Variants in CGNL1 observed in about 807,000 individuals in gnomAD.
The protein encoded by CGNL1 is cingulin-like protein 1.
A neutral mutation model predicts 141.2 loss-of-function variants in CGNL1; 132 were observed. The ratio of observed to expected loss-of-function variants is 0.93; its 90% CI spans 0.81 to 1.08. CGNL1 has a LOEUF of 1.08. Among genes scored for constraint, CGNL1 ranks in the 50% least tolerant of loss-of-function variants. The probability of loss-of-function intolerance (pLI) is 0.00; values close to 1 mark genes in which losing one functional copy is unlikely to be tolerated. For missense variants in CGNL1, 1,870 were observed against 1,588.6 expected, an observed-to-expected ratio of 1.18 and a Z score of -3.01; for synonymous variants, 690 against 622.1, an observed-to-expected ratio of 1.11 and a Z score of -1.63.
chr15:57,409,154 G>A (rs1394056359), intron 1 of CGNL1, among the ~76,000 whole-genome samples: 2 of 152,088 alleles, frequency 1.3e-5, no homozygotes, highest in African/African-American at 4.8e-5. Flanking sequence ...ACGCGTGTGT[G>A]CTGAGGGAAC....
intron 8 of CGNL1, among the ~76,000 whole-genome samples, chr15:57,486,908 G>A (rs2063792343): frequency 6.6e-6 from 1 of 152,152 alleles, no homozygotes; most frequent in Admixed American, 6.5e-5. Flanking sequence ...ATTTCCATTG[G>A]GAGTGGTGTT....
chr15:57,399,410 A>G (rs1300639260), intron 1 of CGNL1, among the ~76,000 whole-genome samples: 2 of 152,144 alleles, frequency 1.3e-5, no homozygotes, highest in Non-Finnish European at 2.9e-5. Flanking sequence ...TCCATATTTG[A>G]ATACTTCATA....
At chr15:57,386,270 A>G (rs1440253071) in intron 1 of CGNL1, among the ~76,000 whole-genome samples, 1 of 152,112 alleles carries the variant, frequency 6.6e-6, no homozygotes, top group Non-Finnish European at 1.5e-5. Context: ...CAGGCTTGTG[A>G]GCCTCGCTTT....
chr15:57,481,064 GTTTTT>G (rs11298152), intron 8 of CGNL1, among the ~76,000 whole-genome samples: 3 of 116,092 alleles, frequency 2.6e-5, no homozygotes, highest in Non-Finnish European at 3.5e-5. Flanking sequence ...AAGACCTGGG[GTTTTT>G]TTTTTTTTTT....
At chr15:57,380,492 G>A (rs147423141) in intron 1 of CGNL1, among the ~76,000 whole-genome samples, 51 of 152,298 alleles carry the variant, frequency 3.3e-4, no homozygotes, top group African/African-American at 1.1e-3. Context: ...ACAGTGGCCC[G>A]TGGGGTACTG....
At chr15:57,545,554 G>A (rs1432859713) in intron 16 of CGNL1, 38 bp from the exon 17 acceptor site, 6 of 1,573,016 alleles carry the variant, frequency 3.8e-6, no homozygotes, top group Non-Finnish European at 5.2e-6. Flanking sequence ...GCAGGGATGG[G>A]AGTGAGAGGG....
intron 8 of CGNL1, among the ~76,000 whole-genome samples, chr15:57,475,859 C>T (rs1034866514): frequency 3.3e-5 from 5 of 152,164 alleles, no homozygotes; most frequent in South Asian, 2.1e-4. Flanking sequence ...CTATGGTCTC[C>T]GCCATTTAAA....
chr15:57,474,267 C>G (rs113282806), intron 8 of CGNL1, among the ~76,000 whole-genome samples: 5 of 152,116 alleles, frequency 3.3e-5, no homozygotes, highest in African/African-American at 9.7e-5. Flanking sequence ...ATGTTTGTCA[C>G]TTTAGGCTGC....
Position 57,550,258 on chromosome 15 carries a change from A to T in CGNL1, c.*2768A>T, listed in dbSNP as rs868224616. The stretch of plus-strand genomic sequence containing the variant: ...TTCAAGTCCCGGCTCATCTCACCCC[A>T]GTGACTTTGACAGTGTGCTCACTCT... On this transcript the variant is annotated 3_prime_UTR_variant, in exon 19 of 19. Transcript: ENST00000281282. The T allele has an allele frequency of 6.6e-6, 1 of 152,570 alleles. No homozygotes were observed. The highest frequency in any genetic ancestry group is 1.9e-4 in the East Asian group (1 of 5,198). 9.5% of individuals were successfully genotyped at this position (152,570 alleles called of 1,614,324 possible).
chr15:57,382,234 T>A (rs2152215006), intron 1 of CGNL1, among the ~76,000 whole-genome samples: 1 of 152,240 alleles, frequency 6.6e-6, no homozygotes, highest in African/African-American at 2.4e-5. Context: ...GAGATGAGTT[T>A]AAAAAAGGGC....
At chr15:57,522,345 C>A (rs992555256) in intron 10 of CGNL1, among the ~76,000 whole-genome samples, 16 of 152,234 alleles carry the variant, frequency 1.1e-4, no homozygotes, top group African/African-American at 2.9e-4. Context: ...CTATGCTCTG[C>A]AAACCAGGAG....
intron 8 of CGNL1, among the ~76,000 whole-genome samples, chr15:57,475,492 GGTGTGTGTGTGT>G (rs72168222): frequency 0.15 from 22,397 of 147,814 alleles, 1,741 homozygotes; most frequent in Middle Eastern, 0.21. Context: ...ATACAAGTGT[GGTGTGTGTGTGT>G]GTGTGTGTGT....
chr15:57,490,890 G>T (rs1269053769), intron 8 of CGNL1, among the ~76,000 whole-genome samples: 3 of 152,084 alleles, frequency 2.0e-5, no homozygotes, highest in Non-Finnish European at 4.4e-5. Context: ...TACCTTCATG[G>T]TCTTTCTACC....
intron 14 of CGNL1, among the ~76,000 whole-genome samples, chr15:57,532,988 T>C (rs1394488910): frequency 6.6e-6 from 1 of 152,230 alleles, no homozygotes; most frequent in Non-Finnish European, 1.5e-5. Context: ...CGGTTCAGGG[T>C]GACCAAGAAT....
At chr15:57,435,669 A>G (rs2063097977) in intron 1 of CGNL1, among the ~76,000 whole-genome samples, 1 of 152,116 alleles carries the variant, frequency 6.6e-6, no homozygotes, top group African/African-American at 2.4e-5. Context: ...TGAGATTTAA[A>G]AGAATTATCA....
At chr15:57,531,852 C>T in intron 14 of CGNL1, 73 bp downstream of exon 14, 1 of 957,024 alleles carries the variant, frequency 1.0e-6, no homozygotes. Flanking sequence ...AATCCTGGGG[C>T]TTCAGTTAAG....
rs767878686 is a variant in CGNL1 at position 57,438,667 on chromosome 15, T to C, written c.668T>C (p.Val223Ala). 4 of 1,614,124 alleles carry C rather than the reference T, an allele frequency of 2.5e-6. No individual in the cohort carries two copies. The highest frequency in any genetic ancestry group is 3.4e-6 in the Non-Finnish European group (4 of 1,180,030). Reference protein sequence around the residue: ...VTAIRLCSSVVIEDPKKQTSV... With the variant: ...VTAIRLCSSVAIEDPKKQTSV... The stretch of plus-strand genomic sequence containing the variant: ...GCTATTCGTTTATGCAGCTCCGTGG[T>C]CATAGAGGACCCCAAAAAGCAGACC... Residue 223 changes from valine to alanine, a missense_variant, in exon 2 of 19, where the codon GTC (valine) becomes GCC (alanine). Coordinates refer to ENST00000281282, the MANE Select transcript of CGNL1 (RefSeq NM_032866.5).
Position 57,453,838 on chromosome 15 carries a change from C to A in CGNL1, c.2190+20C>A. 1 of 1,611,974 alleles carries A rather than the reference C, an allele frequency of 6.2e-7. No homozygotes were observed. The highest frequency in any genetic ancestry group is 1.1e-5 in the South Asian group (1 of 90,936). On this transcript the variant is annotated intron_variant, in intron 7 of 18. Transcript: ENST00000281282. ...ATTGAGGTAAGCAGGGCTGTGGGGT[C>A]AGGTGATAAGACAGGCCCCACCTGC...
At chr15:57,516,248 A>T (rs1204907519) in intron 8 of CGNL1, among the ~76,000 whole-genome samples, 1 of 151,782 alleles carries the variant, frequency 6.6e-6, no homozygotes, top group Non-Finnish European at 1.5e-5. Context: ...AGCGAGGGTT[A>T]TGAGGACAGG....
Sources: gnomAD v4.1 joint callset for allele counts (sites outside exome capture counted in the v4.1 genomes callset) on GRCh38, gnomAD v4.1.1 for gene constraint, MANE v1.5 for transcripts, NCBI Gene and HGNC (gene_info 2026-07-23, HGNC 2026-07-21) for gene names.